E2F5: variants seen among roughly 807,000 people sequenced by gnomAD.
E2F5 encodes the protein transcription factor E2F5.
In E2F5, 23 loss-of-function variants were observed where a neutral mutation model predicts 39.1. The ratio of observed to expected loss-of-function variants is 0.59; its 90% CI spans 0.42 to 0.83. E2F5 has a LOEUF of 0.83. Among genes scored for constraint, E2F5 ranks in the 40% least tolerant of loss-of-function variants. The pLI is 0.00. For synonymous variants in E2F5, 145 were observed against 157.8 expected, an observed-to-expected ratio of 0.92 and a Z score of 0.61; for missense variants, 365 against 406.7, an observed-to-expected ratio of 0.90 and a Z score of 0.88.
chr8:85,182,814 A>G (rs527416302), intron 1 of E2F5, among the ~76,000 whole-genome samples: 7 of 152,302 alleles, frequency 4.6e-5, no homozygotes, highest in East Asian at 1.9e-4. Context: ...TATCTCTTTT[A>G]TTATAATTCT....
intron 1 of E2F5, among the ~76,000 whole-genome samples, chr8:85,180,150 AG>A (rs1322660631): frequency 6.6e-6 from 1 of 151,532 alleles, no homozygotes; most frequent in Non-Finnish European, 1.5e-5. Flanking sequence ...CCTCCCAAGT[AG>A]CTGGGATTAC....
At chr8:85,180,009 T>C (rs188327641) in intron 1 of E2F5, among the ~76,000 whole-genome samples, 36 of 149,906 alleles carry the variant, frequency 2.4e-4, no homozygotes, top group Admixed American at 1.9e-3. Context: ...TTATACACCA[T>C]AGTAAAAGAT....
At chr8:85,204,474 T>G (rs1171892696) in intron 3 of E2F5, among the ~76,000 whole-genome samples, 1 of 132,092 alleles carries the variant, frequency 7.6e-6, no homozygotes. Context: ...TTCTCACTCA[T>G]AGGTGGGAAT....
intron 1 of E2F5, among the ~76,000 whole-genome samples, chr8:85,180,183 A>G (rs1316209712): frequency 6.7e-6 from 1 of 150,036 alleles, no homozygotes; most frequent in Non-Finnish European, 1.5e-5. Context: ...ACCATGCCCG[A>G]CTCATTTTTG....
intron 5 of E2F5, among the ~76,000 whole-genome samples, chr8:85,208,813 C>T (rs1229831503): frequency 6.6e-6 from 1 of 152,166 alleles, no homozygotes; most frequent in Non-Finnish European, 1.5e-5. Flanking sequence ...GGATAAATTT[C>T]CTGTATATGG....
At chr8:85,188,509 A>G (rs1812392429) in intron 1 of E2F5, among the ~76,000 whole-genome samples, 1 of 152,106 alleles carries the variant, frequency 6.6e-6, no homozygotes, top group Non-Finnish European at 1.5e-5. Context: ...TTGAGCACTG[A>G]GGCAGGCCAG....
At chr8:85,178,802 A>G (rs766708452) in intron 1 of E2F5, among the ~76,000 whole-genome samples, 8 of 152,202 alleles carry the variant, frequency 5.3e-5, no homozygotes, top group Non-Finnish European at 1.0e-4. Flanking sequence ...GCCCTCCTCC[A>G]GTGTAGCCCA....
chr8:85,199,710 C>T lies in E2F5; in HGVS notation c.235-2437C>T, dbSNP rs75946643. On this transcript the variant is annotated intron_variant, in intron 1 of 7. Coordinates refer to ENST00000416274, the MANE Select transcript of E2F5 (RefSeq NM_001951.4). ...CCAATCTTAAACACAGTCTTACCCA[C>T]GATCCGTTTCAACCTGTATTTGATG... 3.6e-3 allele frequency among the ~76,000 whole-genome samples: 543 copies of T among 152,314 alleles called. 2 individuals are homozygous for T. Among genetic ancestry groups the T allele is most frequent in the African/African-American group, 0.012 (507 of 41,564 alleles).
At chr8:85,180,738 C>A (rs1178941349) in intron 1 of E2F5, among the ~76,000 whole-genome samples, 1 of 149,790 alleles carries the variant, frequency 6.7e-6, no homozygotes, top group Admixed American at 6.7e-5. Flanking sequence ...CCATCACGCC[C>A]GGCTAATTTT....
chr8:85,179,795 G>A (rs1812160254), intron 1 of E2F5, among the ~76,000 whole-genome samples: 1 of 151,642 alleles, frequency 6.6e-6, no homozygotes, highest in African/African-American at 2.4e-5. Context: ...GAGTAGCTCG[G>A]ACTACAGGCG....
intron 1 of E2F5, among the ~76,000 whole-genome samples, chr8:85,198,172 G>A (rs1237163175): frequency 1.3e-5 from 2 of 152,114 alleles, no homozygotes; most frequent in Admixed American, 1.3e-4. Context: ...AATATGCCCT[G>A]TTATTATCTA....
Position 85,177,840 on chromosome 8 carries a change from G to A in E2F5, c.234+186G>A. 4 of 1,035,712 alleles carry A rather than the reference G, an allele frequency of 3.9e-6. No homozygotes were observed. In the South Asian group the frequency reaches 1.5e-4, roughly 38 times the overall value. 64.2% of individuals were successfully genotyped at this position (1,035,712 alleles called of 1,614,324 possible). ...GACGCCGGGATGGGGGAGGGACGAG[G>A]GACCAGGATGGCACCGAGCGGACGC... On this transcript the variant is annotated intron_variant, in intron 1 of 7. Transcript: ENST00000416274.
At chr8:85,177,901 G>A in intron 1 of E2F5, 2 of 540,120 alleles carry the variant, frequency 3.7e-6, no homozygotes, top group Non-Finnish European at 5.0e-6. Flanking sequence ...CTGGGCTCTC[G>A]ACAAAGAGCC....
chr8:85,202,761 A>G (rs1587495599), intron 2 of E2F5, among the ~76,000 whole-genome samples: 1 of 152,142 alleles, frequency 6.6e-6, no homozygotes, highest in East Asian at 1.9e-4. Flanking sequence ...AATTTATTTT[A>G]CCAGCACCTC....
At chr8:85,203,890 C>T (rs1056969862) in intron 3 of E2F5, among the ~76,000 whole-genome samples, 2 of 149,290 alleles carry the variant, frequency 1.3e-5, no homozygotes, top group African/African-American at 4.9e-5. Context: ...TATAAAAACA[C>T]ATATCCATGT....
At chr8:85,209,003 T>C (rs909263419) in intron 5 of E2F5, 139 bp from the exon 6 acceptor site, 3 of 847,338 alleles carry the variant, frequency 3.5e-6, no homozygotes, top group Admixed American at 2.9e-5. Flanking sequence ...GTCTCTACTT[T>C]TGTGTTTTGA....
At chr8:85,186,854 G>A (rs1217593261) in intron 1 of E2F5, among the ~76,000 whole-genome samples, 1 of 146,404 alleles carries the variant, frequency 6.8e-6, no homozygotes, top group Non-Finnish European at 1.5e-5. Context: ...GTATATATAT[G>A]GTGTGTATAT....
chr8:85,185,153 A>G (rs913780236), intron 1 of E2F5, among the ~76,000 whole-genome samples: 1 of 152,202 alleles, frequency 6.6e-6, no homozygotes, highest in African/African-American at 2.4e-5. Context: ...TGGTATTGGT[A>G]CCAAAACAGA....
At chr8:85,180,907 T>G (rs914528658) in intron 1 of E2F5, among the ~76,000 whole-genome samples, 6 of 151,274 alleles carry the variant, frequency 4.0e-5, no homozygotes, top group African/African-American at 1.2e-4. Context: ...AGACAGGGTC[T>G]TATTCTGTCG....
Sources: allele counts gnomAD v4.1 joint callset (sites outside exome capture counted in the v4.1 genomes callset), GRCh38; gene constraint gnomAD v4.1.1; transcripts MANE v1.5; gene names NCBI Gene and HGNC (gene_info 2026-07-23, HGNC 2026-07-21).